The following EYA3 variants were observed in gnomAD, a reference collection of about 807,000 sequenced individuals.
EYA3 encodes EYA transcriptional coactivator and phosphatase 3, also known as protein phosphatase EYA3.
EYA3 carries 39 observed loss-of-function variants against 80.0 expected under a neutral mutation model. That is an observed-to-expected ratio of 0.49 (90% confidence interval 0.38 to 0.64). The LOEUF (loss-of-function observed/expected upper bound fraction) is 0.64. Ranked by LOEUF, EYA3 falls within the 30% of genes least tolerant of loss-of-function variation. EYA3 has a pLI of 0.00. For missense variants in EYA3, 523 were observed against 676.1 expected, an observed-to-expected ratio of 0.77 and a Z score of 2.51; for synonymous variants, 206 against 232.8, an observed-to-expected ratio of 0.88 and a Z score of 1.05.
At chr1:27,993,153 A>G (rs1640191446) in intron 14 of EYA3, among the ~76,000 whole-genome samples, 1 of 152,160 alleles carries the variant, frequency 6.6e-6, no homozygotes, top group Non-Finnish European at 1.5e-5. Flanking sequence ...TGTTTCCTTT[A>G]AAAAGGCATT....
At chr1:28,010,778 G>T in intron 10 of EYA3, 169 bp downstream of exon 10, 2 of 673,482 alleles carry the variant, frequency 3.0e-6, no homozygotes, top group African/African-American at 1.8e-5. Context: ...AGAATAATTT[G>T]TTCTTTTTAC....
At chr1:28,064,911 A>G (rs957761486) in intron 1 of EYA3, among the ~76,000 whole-genome samples, 2 of 152,248 alleles carry the variant, frequency 1.3e-5, no homozygotes, top group African/African-American at 4.8e-5. Context: ...CAATTTGTCC[A>G]AGAGTAACAG....
intron 1 of EYA3, among the ~76,000 whole-genome samples, chr1:28,064,918 A>G (rs188968941): frequency 6.6e-6 from 1 of 152,362 alleles, no homozygotes; most frequent in African/African-American, 2.4e-5. Flanking sequence ...TCCAAGAGTA[A>G]CAGCAATAAT....
chr1:27,993,630 T>C, intron 13 of EYA3, 70 bp from the exon 14 acceptor site: 5 of 1,358,760 alleles, frequency 3.7e-6, no homozygotes, highest in Non-Finnish European at 4.9e-6. Context: ...TGCTATTTGG[T>C]TGGGTTCTTG....
At chr1:28,015,743 A>G (rs1642014197) in intron 8 of EYA3, among the ~76,000 whole-genome samples, 1 of 152,210 alleles carries the variant, frequency 6.6e-6, no homozygotes, top group Non-Finnish European at 1.5e-5. Flanking sequence ...CAAAAAGCAA[A>G]AGAAATTCTT....
At chr1:28,067,089 CAT>C (rs1256344113) in intron 1 of EYA3, among the ~76,000 whole-genome samples, 5 of 152,220 alleles carry the variant, frequency 3.3e-5, no homozygotes, top group Admixed American at 2.0e-4. Context: ...GCTGTAAAAT[CAT>C]ATGTGTCTTC....
At chr1:28,074,723 T>C (rs548871989) in intron 1 of EYA3, among the ~76,000 whole-genome samples, 2 of 152,276 alleles carry the variant, frequency 1.3e-5, no homozygotes, top group South Asian at 2.1e-4. Context: ...TTCTCTCCTA[T>C]GTGTGGACCA....
intron 4 of EYA3, among the ~76,000 whole-genome samples, chr1:28,040,514 T>A (rs1330912795): frequency 6.6e-6 from 1 of 152,144 alleles, no homozygotes; most frequent in Non-Finnish European, 1.5e-5. Flanking sequence ...AGTAATGTAA[T>A]GGATCGGAGA....
intron 1 of EYA3, among the ~76,000 whole-genome samples, chr1:28,069,892 A>T (rs1459099089): frequency 6.6e-6 from 1 of 152,222 alleles, no homozygotes; most frequent in African/African-American, 2.4e-5. Context: ...TTTAACACAC[A>T]TACAGAGAAG....
chr1:28,037,549 C>T (rs1643524241), intron 5 of EYA3, among the ~76,000 whole-genome samples: 1 of 151,550 alleles, frequency 6.6e-6, no homozygotes, highest in Non-Finnish European at 1.5e-5. Flanking sequence ...ACCATAATGT[C>T]CTTTTTCATG....
At chr1:28,083,760 T>C (rs1278861168) in intron 1 of EYA3, among the ~76,000 whole-genome samples, 2 of 152,204 alleles carry the variant, frequency 1.3e-5, no homozygotes, top group Non-Finnish European at 2.9e-5. Flanking sequence ...GTTTATTTAA[T>C]TCTAATTATG....
chr1:28,086,327 C>T (rs1038513437), intron 1 of EYA3, among the ~76,000 whole-genome samples: 3 of 152,066 alleles, frequency 2.0e-5, no homozygotes, highest in African/African-American at 7.2e-5. Flanking sequence ...AATCCTCCAA[C>T]CTCAACCTCC....
At position 28,035,624 on chromosome 1, in the gene EYA3, G is replaced by C. The variant is rs1482247708; in HGVS notation, c.281C>G (p.Thr94Ser). ...PVSETAYPGQ[T>S]QYQTLQQTQP... ...AGTCTGCTGTAGTGTCTGGTATTGA[G>C]TCTGTCCAGGGTAAGCAGTTTCCGA... Residue 94 changes from threonine (T) to serine (S), a missense_variant, in exon 6 of 18, where the codon ACT (threonine) becomes AGT (serine). Thr to Ser is a moderately conservative substitution (Grantham distance 58). Transcript: ENST00000373871. The C allele has an allele frequency of 6.2e-7, 1 of 1,614,122 alleles. No individual in the cohort carries two copies. Among genetic ancestry groups the C allele is most frequent in the East Asian group, 2.2e-5 (1 of 44,876 alleles).
rs1309171615 is a variant in EYA3 at position 28,024,117 on chromosome 1, T to C, written c.499+3672A>G. ...AGTCAGGCATGGTGGCATGTGCCTG[T>C]AATCCCAGCTACTCAGGAGGCTGAG... On this transcript the variant is annotated intron_variant, in intron 7 of 17. Coordinates refer to ENST00000373871, the MANE Select transcript of EYA3 (RefSeq NM_001990.4). Among the ~76,000 whole-genome samples, 6 of 152,134 alleles carry C rather than the reference T, an allele frequency of 3.9e-5. No individual in the cohort carries two copies. The South Asian group carries it at 6.2e-4, about 16-fold the overall frequency.
chr1:28,057,939 C>A, intron 2 of EYA3, 55 bp downstream of exon 2: 1 of 1,036,096 alleles, frequency 9.7e-7, no homozygotes, highest in East Asian at 2.5e-5. Flanking sequence ...TAATTAAAAT[C>A]TCTTAAGATT....
intron 6 of EYA3, among the ~76,000 whole-genome samples, chr1:28,029,106 T>C (rs1356755932): frequency 1.3e-5 from 2 of 152,212 alleles, no homozygotes; most frequent in African/African-American, 4.8e-5. Flanking sequence ...TATAAATCTA[T>C]CTCATACTGA....
intron 17 of EYA3, among the ~76,000 whole-genome samples, chr1:27,974,905 T>C (rs965698620): frequency 6.6e-6 from 1 of 151,410 alleles, no homozygotes; most frequent in Non-Finnish European, 1.5e-5. Flanking sequence ...GTAATCCTCT[T>C]ACTCCAGCAT....
At chr1:28,044,475 G>A (rs1643929536) in intron 3 of EYA3, among the ~76,000 whole-genome samples, 1 of 152,122 alleles carries the variant, frequency 6.6e-6, no homozygotes, top group Non-Finnish European at 1.5e-5. Flanking sequence ...CTTCTTCAAA[G>A]CCCAGGCATC....
chr1:28,054,187 C>A (rs1644363867), intron 2 of EYA3, among the ~76,000 whole-genome samples: 6 of 152,134 alleles, frequency 3.9e-5, no homozygotes, highest in Admixed American at 3.9e-4. Context: ...ATTGACTGTG[C>A]TTACTAATAG....
Sources: gnomAD v4.1 joint callset for allele counts (sites outside exome capture counted in the v4.1 genomes callset) on GRCh38, gnomAD v4.1.1 for gene constraint, MANE v1.5 for transcripts, NCBI Gene and HGNC (gene_info 2026-07-23, HGNC 2026-07-21) for gene names.